MRPS28: variants seen among roughly 807,000 people sequenced by gnomAD.
MRPS28 encodes small ribosomal subunit protein bS1m.
In MRPS28, 7 loss-of-function variants were observed where a neutral mutation model predicts 10.8. That is an observed-to-expected ratio of 0.65 (90% CI 0.37 to 1.22). The LOEUF is 1.22. MRPS28 is among the 50% of genes most tolerant of loss of function. The probability of loss-of-function intolerance (pLI) is 0.02; values close to 1 mark genes in which losing one functional copy is unlikely to be tolerated. For synonymous variants in MRPS28, 121 were observed against 93.3 expected (o/e 1.30, Z -1.71); for missense variants, 265 against 232.9 (o/e 1.14, Z -0.90).
chr8:79,970,120 G>A (rs1238748001), intron 2 of MRPS28, among the ~76,000 whole-genome samples: 3 of 152,086 alleles, frequency 2.0e-5, no homozygotes, highest in African/African-American at 7.2e-5. Context: ...ACTGACATAA[G>A]GTGCATATGG....
chr8:80,016,529 G>A (rs1478434234), intron 1 of MRPS28, among the ~76,000 whole-genome samples: 1 of 152,024 alleles, frequency 6.6e-6, no homozygotes, highest in Non-Finnish European at 1.5e-5. Context: ...GTTGCAAGTA[G>A]ACCTGCCTTG....
At position 79,965,197 on chromosome 8, in the gene MRPS28, C is replaced by A. The variant is rs76016756; in HGVS notation, c.395+37802G>T. ...AATTAACTGCTCACTATTTTAGGGG[C>A]CAGATATTCTTCTAAGTGATTTCTC... On this transcript the variant is annotated intron_variant, in intron 2 of 2. Coordinates refer to ENST00000276585, the MANE Select transcript of MRPS28 (RefSeq NM_014018.3). Among the ~76,000 whole-genome samples the A allele has an allele frequency of 3.8e-3, 577 of 152,074 alleles. 32 individuals are homozygous for A. In the East Asian group the frequency reaches 0.1, roughly 27 times the overall value.
intron 2 of MRPS28, among the ~76,000 whole-genome samples, chr8:79,970,773 T>G (rs1807611260): frequency 6.6e-6 from 1 of 152,196 alleles, no homozygotes; most frequent in South Asian, 2.1e-4. Context: ...CTCAAAGAGA[T>G]AAAATGTTAT....
chr8:80,001,865 CACATCTTCCCA>C (rs1221733188), intron 2 of MRPS28, among the ~76,000 whole-genome samples: 1 of 152,130 alleles, frequency 6.6e-6, no homozygotes, highest in Non-Finnish European at 1.5e-5. Flanking sequence ...GCACTGTGCA[CACATCTTCCCA>C]ACTCTGCATT....
intron 2 of MRPS28, among the ~76,000 whole-genome samples, chr8:79,922,694 C>CA (rs1284684337): frequency 6.6e-6 from 1 of 151,886 alleles, no homozygotes; most frequent in Non-Finnish European, 1.5e-5. Flanking sequence ...TTTATAATAC[C>CA]AAATGAAAAC....
At chr8:79,989,991 C>A (rs544117788) in intron 2 of MRPS28, among the ~76,000 whole-genome samples, 1 of 152,090 alleles carries the variant, frequency 6.6e-6, no homozygotes, top group East Asian at 1.9e-4. Context: ...CCACCTCTAC[C>A]AAAAACACAC....
At chr8:79,922,383 G>A (rs1810117672) in intron 2 of MRPS28, among the ~76,000 whole-genome samples, 1 of 152,100 alleles carries the variant, frequency 6.6e-6, no homozygotes, top group Non-Finnish European at 1.5e-5. Flanking sequence ...TTAGATAGGA[G>A]GAGTAAGTTC....
rs746461004 is a variant in MRPS28, at chr8:80,003,176, G to C, written c.218C>G (p.Ser73Cys). 6.3e-7 allele frequency: 1 copy of C among 1,577,862 alleles called. No homozygotes were observed. Among genetic ancestry groups the C allele is most frequent in the Non-Finnish European group, 8.6e-7 (1 of 1,167,242 alleles). ...TGCAAAGGATTCCACATTTTTTGGA[G>C]AACCCTAAATATGAAAAGAGATATT... ...LQKVEPLQKGSPKNVESFASM... is the reference protein window; with the variant it reads ...LQKVEPLQKGCPKNVESFASM... The change falls in exon 2 of 3, where the codon TCT (serine) becomes TGT (cysteine). Residue 73 changes from serine (S) to cysteine (C), a missense_variant. Ser to Cys is a moderately radical substitution (Grantham distance 112). Transcript: ENST00000276585.
intron 2 of MRPS28, among the ~76,000 whole-genome samples, chr8:79,983,704 T>G (rs1368757171): frequency 6.6e-6 from 1 of 151,900 alleles, no homozygotes; most frequent in African/African-American, 2.4e-5. Flanking sequence ...TGAAATGAAG[T>G]GAGAAGGGAA....
At chr8:79,937,928 T>C (rs566885228) in intron 2 of MRPS28, among the ~76,000 whole-genome samples, 6 of 152,384 alleles carry the variant, frequency 3.9e-5, no homozygotes, top group Admixed American at 2.0e-4. Context: ...GTTTGTGATC[T>C]GGATTTCTCT....
chr8:79,974,871 C>A (rs1035467493), intron 2 of MRPS28, among the ~76,000 whole-genome samples: 1 of 151,974 alleles, frequency 6.6e-6, no homozygotes, highest in Non-Finnish European at 1.5e-5. Context: ...TCATAGTCAA[C>A]AAAATTAGGT....
intron 2 of MRPS28, among the ~76,000 whole-genome samples, chr8:79,979,394 C>A (rs902898023): frequency 6.6e-6 from 1 of 152,052 alleles, no homozygotes; most frequent in Non-Finnish European, 1.5e-5. Context: ...GCCTTCCCTG[C>A]AGTTAGGGAG....
At chr8:80,019,081 T>A (rs934182418) in intron 1 of MRPS28, among the ~76,000 whole-genome samples, 2 of 152,004 alleles carry the variant, frequency 1.3e-5, no homozygotes, top group African/African-American at 4.8e-5. Flanking sequence ...GGGGTGGGGA[T>A]GGTTAATGGG....
At chr8:80,011,043 T>G (rs1809028102) in intron 1 of MRPS28, among the ~76,000 whole-genome samples, 1 of 152,152 alleles carries the variant, frequency 6.6e-6, no homozygotes, top group African/African-American at 2.4e-5. Flanking sequence ...AAACAAATCC[T>G]ACAGAGGTAA....
intron 2 of MRPS28, among the ~76,000 whole-genome samples, chr8:79,923,719 C>T (rs1258246448): frequency 6.6e-6 from 1 of 152,090 alleles, no homozygotes; most frequent in Non-Finnish European, 1.5e-5. Flanking sequence ...ACTTCAAGTG[C>T]TTGCTTCTGA....
intron 2 of MRPS28, among the ~76,000 whole-genome samples, chr8:79,944,361 A>G (rs986844841): frequency 2.6e-5 from 4 of 152,208 alleles, no homozygotes; most frequent in Admixed American, 6.5e-5. Flanking sequence ...GGTGTTGGTC[A>G]GAGCCTCTCT....
intron 1 of MRPS28, among the ~76,000 whole-genome samples, chr8:80,017,931 G>A (rs1809240424): frequency 6.6e-6 from 1 of 152,080 alleles, no homozygotes; most frequent in South Asian, 2.1e-4. Context: ...TCAAAATGTA[G>A]ACAAAGCATT....
chr8:80,027,604 T>C (rs1809524903), intron 1 of MRPS28, among the ~76,000 whole-genome samples: 1 of 152,222 alleles, frequency 6.6e-6, no homozygotes, highest in African/African-American at 2.4e-5. Context: ...GATAACTTGA[T>C]CCACAGTGTG....
intron 2 of MRPS28, among the ~76,000 whole-genome samples, chr8:79,978,754 G>C (rs1807870139): frequency 6.6e-6 from 1 of 152,088 alleles, no homozygotes; most frequent in Admixed American, 6.6e-5. Context: ...CAAGAATTGT[G>C]ACATAATTTT....
Sources: allele counts gnomAD v4.1 joint callset (sites outside exome capture counted in the v4.1 genomes callset), GRCh38; gene constraint gnomAD v4.1.1; transcripts MANE v1.5; gene names NCBI Gene and HGNC (gene_info 2026-07-23, HGNC 2026-07-21).